Variants in RGS6 observed in about 807,000 individuals in gnomAD.
RGS6 encodes regulator of G protein signaling 6, also known as regulator of G-protein signaling 6.
A neutral mutation model predicts 78.5 loss-of-function variants in RGS6; 30 were observed. The observed-to-expected ratio is 0.38, with a 90% CI of 0.29 to 0.52. RGS6 has a LOEUF of 0.52. RGS6 is among the 20% of genes least tolerant of loss of function. The pLI is 0.85. For synonymous variants in RGS6, 206 were observed against 206.0 expected (o/e 1.00, Z 0.00); for missense variants, 495 against 609.7 (o/e 0.81, Z 1.98).
chr14:72,326,612 C>A (rs1289620043), intron 2 of RGS6, among the ~76,000 whole-genome samples: 1 of 152,180 alleles, frequency 6.6e-6, no homozygotes, highest in African/African-American at 2.4e-5. Context: ...GAGGCCTCCC[C>A]AGAAGCAGAT....
intron 1 of RGS6, among the ~76,000 whole-genome samples, chr14:71,954,425 C>CTT (rs145663987): frequency 0.02 from 3,009 of 151,954 alleles, 92 homozygotes; most frequent in African/African-American, 0.068. Context: ...CTCATGGAGT[C>CTT]TTAAAAAATT....
At chr14:72,390,338 TC>T (rs2089628689) in intron 3 of RGS6, among the ~76,000 whole-genome samples, 1 of 152,102 alleles carries the variant, frequency 6.6e-6, no homozygotes, top group Admixed American at 6.6e-5. Context: ...CCTCAGGTGA[TC>T]TGCCCACCTC....
intron 2 of RGS6, among the ~76,000 whole-genome samples, chr14:72,023,105 T>C (rs2089066354): frequency 6.6e-6 from 1 of 152,222 alleles, no homozygotes; most frequent in Non-Finnish European, 1.5e-5. Flanking sequence ...AAAGATCTTA[T>C]TACCAACTTG....
intron 2 of RGS6, among the ~76,000 whole-genome samples, chr14:72,013,672 A>C (rs564693087): frequency 1.3e-5 from 2 of 152,370 alleles, no homozygotes; most frequent in Non-Finnish European, 2.9e-5. Context: ...ATATTTGTGA[A>C]ATACATAAAT....
chr14:72,052,923 A>G (rs549786008), intron 2 of RGS6, among the ~76,000 whole-genome samples: 1 of 136,052 alleles, frequency 7.4e-6, no homozygotes, highest in Non-Finnish European at 1.7e-5. Flanking sequence ...GTTTCATTGT[A>G]TTTTTCTTTC....
intron 2 of RGS6, among the ~76,000 whole-genome samples, chr14:72,219,347 G>T (rs2046337992): frequency 6.6e-6 from 1 of 151,978 alleles, no homozygotes; most frequent in Non-Finnish European, 1.5e-5. Context: ...AAATAATAAG[G>T]ATTGACTGTA....
chr14:71,916,824 C>T, the RGS6 span, among the ~76,000 whole-genome samples: 2 of 152,140 alleles, frequency 1.3e-5, no homozygotes, highest in African/African-American at 4.8e-5. Context: ...AATGCAGATT[C>T]CCAGAACACA....
At chr14:72,048,723 G>T (rs1021703106) in intron 2 of RGS6, among the ~76,000 whole-genome samples, 4 of 151,790 alleles carry the variant, frequency 2.6e-5, no homozygotes, top group Non-Finnish European at 4.4e-5. Context: ...ATTGAGATAT[G>T]AAATTATTTC....
intron 2 of RGS6, among the ~76,000 whole-genome samples, chr14:71,982,937 TC>T (rs773706715): frequency 2.0e-5 from 3 of 152,252 alleles, no homozygotes; most frequent in Non-Finnish European, 4.4e-5. Context: ...GGTGGATCCA[TC>T]TTTTATAGCC....
At chr14:72,390,402 G>A (rs1254938759) in intron 3 of RGS6, among the ~76,000 whole-genome samples, 2 of 151,916 alleles carry the variant, frequency 1.3e-5, no homozygotes, top group African/African-American at 2.4e-5. Context: ...CCGGCCGGGA[G>A]CCATAGTTCT....
At chr14:71,889,900 C>A in the RGS6 span, among the ~76,000 whole-genome samples, 1 of 151,550 alleles carries the variant, frequency 6.6e-6, no homozygotes, top group Admixed American at 6.6e-5. Flanking sequence ...AGCACCTCCT[C>A]TCTCTCTCTC....
intron 12 of RGS6, among the ~76,000 whole-genome samples, chr14:72,479,221 A>G (rs560885266): frequency 1.7e-3 from 261 of 152,204 alleles, no homozygotes; most frequent in African/African-American, 6.0e-3. Flanking sequence ...TTTTTTCTAG[A>G]TAAATTACAA....
At chr14:72,524,027 G>A (rs751081340) in intron 15 of RGS6, among the ~76,000 whole-genome samples, 1 of 152,076 alleles carries the variant, frequency 6.6e-6, no homozygotes. Flanking sequence ...GGATTTCAGA[G>A]AAATCAGATG....
chr14:72,036,080 A>G (rs1273444723), intron 2 of RGS6, among the ~76,000 whole-genome samples: 2 of 151,922 alleles, frequency 1.3e-5, no homozygotes, highest in South Asian at 2.1e-4. Flanking sequence ...CCCATCACCA[A>G]AGTTTTGTCT....
At chr14:72,350,959 T>C (rs1338590485) in intron 2 of RGS6, among the ~76,000 whole-genome samples, 1 of 152,230 alleles carries the variant, frequency 6.6e-6, no homozygotes, top group Non-Finnish European at 1.5e-5. Flanking sequence ...TGTTATGCCG[T>C]GCTCTAACTT....
chr14:72,467,553 G>A (rs1018860935), intron 7 of RGS6, among the ~76,000 whole-genome samples: 6 of 152,128 alleles, frequency 3.9e-5, no homozygotes, highest in Admixed American at 2.6e-4. Context: ...GTGTGAATGC[G>A]CATGCCATTG....
chr14:72,114,138 A>G (rs1232876586), intron 2 of RGS6, among the ~76,000 whole-genome samples: 12 of 152,186 alleles, frequency 7.9e-5, no homozygotes, highest in African/African-American at 2.9e-4. Context: ...AGCTTTACTC[A>G]GGTAGGGTGG....
intron 9 of RGS6, among the ~76,000 whole-genome samples, chr14:72,474,319 C>CTTG (rs1477500247): frequency 6.6e-6 from 1 of 151,990 alleles, no homozygotes. Flanking sequence ...CTTTTTCAAA[C>CTTG]GGTTAAGTAT....
chr14:72,221,542 G>T (rs2046865950), intron 2 of RGS6, among the ~76,000 whole-genome samples: 1 of 152,194 alleles, frequency 6.6e-6, no homozygotes, highest in South Asian at 2.1e-4. Flanking sequence ...AAGGCCAGAA[G>T]AATTGCTAGG....
Sources: allele counts gnomAD v4.1 joint callset (sites outside exome capture counted in the v4.1 genomes callset), GRCh38; gene constraint gnomAD v4.1.1; transcripts MANE v1.5; gene names NCBI Gene and HGNC (gene_info 2026-07-23, HGNC 2026-07-21).